The following HDAC4 variants were observed in gnomAD, a reference collection of about 807,000 sequenced individuals.
HDAC4 encodes the protein histone deacetylase A.
HDAC4 carries 16 observed loss-of-function variants against 135.1 expected under a neutral mutation model. That is an observed-to-expected ratio of 0.12 (90% confidence interval 0.08 to 0.18). The LOEUF is 0.18. HDAC4 is among the 10% of genes least tolerant of loss of function. The pLI is 1.00. For missense variants in HDAC4, 1,143 were observed against 1,511.8 expected (o/e 0.76, Z 4.05); for synonymous variants, 685 against 653.4 (o/e 1.05, Z -0.74).
intron 2 of HDAC4, among the ~76,000 whole-genome samples, chr2:239,266,091 C>T (rs1249530501): frequency 6.6e-6 from 1 of 152,206 alleles, no homozygotes; most frequent in Admixed American, 6.5e-5. Context: ...AGAGGGGCTG[C>T]CAGCCAGTGA....
chr2:239,164,011 A>C, intron 5 of HDAC4, 88 bp from the exon 6 acceptor site: 2 of 1,513,482 alleles, frequency 1.3e-6, no homozygotes, highest in Non-Finnish European at 1.8e-6. Flanking sequence ...GAGGGAGGGA[A>C]GGGCTGGGGA....
intron 3 of HDAC4, among the ~76,000 whole-genome samples, chr2:239,201,819 A>G (rs2045772088): frequency 6.6e-6 from 1 of 152,154 alleles, no homozygotes; most frequent in Non-Finnish European, 1.5e-5. Context: ...ATTTTACTCC[A>G]CTGTCTTTTT....
intron 3 of HDAC4, among the ~76,000 whole-genome samples, chr2:239,228,916 C>T (rs1046520259): frequency 6.6e-6 from 1 of 152,034 alleles, no homozygotes; most frequent in Non-Finnish European, 1.5e-5. Flanking sequence ...CTGAGGTAGG[C>T]AGATCACTTG....
rs10543545 is a variant in HDAC4 at position 239,109,609 on chromosome 2, T to TAA, written c.1979-1428_1979-1427dup. On this transcript the variant is annotated intron_variant, in intron 14 of 26. Transcript: ENST00000543185. ...CAGTGCTGTGGGATGGGACTTCTGG[T>TAA]AAAAAAAAAAAAAAAGCATCAGGGT... Among the ~76,000 whole-genome samples, 1,253 of 145,436 alleles carry TAA rather than the reference T, an allele frequency of 8.6e-3. 16 individuals carry two copies. The highest frequency in any genetic ancestry group is 0.028 in the African/African-American group (1,082 of 38,330).
At chr2:239,222,818 C>T (rs760957968) in intron 3 of HDAC4, among the ~76,000 whole-genome samples, 12 of 152,144 alleles carry the variant, frequency 7.9e-5, no homozygotes, top group Non-Finnish European at 1.6e-4. Context: ...CCTCACAGCC[C>T]CCTGAAGCAG....
At chr2:239,220,222 G>A (rs928972440) in intron 3 of HDAC4, among the ~76,000 whole-genome samples, 1 of 152,150 alleles carries the variant, frequency 6.6e-6, no homozygotes. Flanking sequence ...TCTCTTAAAC[G>A]CTTCAAATTC....
chr2:239,203,257 C>T (rs1332370456), intron 3 of HDAC4, among the ~76,000 whole-genome samples: 1 of 152,228 alleles, frequency 6.6e-6, no homozygotes, highest in Non-Finnish European at 1.5e-5. Flanking sequence ...CCAGCACAGA[C>T]AAGGTGGACA....
chr2:239,325,037 C>T (rs1264546011), intron 2 of HDAC4, among the ~76,000 whole-genome samples: 1 of 152,214 alleles, frequency 6.6e-6, no homozygotes, highest in African/African-American at 2.4e-5. Context: ...CAAATTGCCA[C>T]AGGCAAAGGA....
At chr2:239,213,278 G>A (rs201237387) in intron 3 of HDAC4, among the ~76,000 whole-genome samples, 71 of 152,324 alleles carry the variant, frequency 4.7e-4, no homozygotes, top group East Asian at 1.2e-3. Flanking sequence ...GGGTAGCCAG[G>A]AGGAATGCTG....
intron 2 of HDAC4, among the ~76,000 whole-genome samples, chr2:239,254,692 C>G (rs2048962875): frequency 6.6e-6 from 1 of 151,808 alleles, no homozygotes; most frequent in South Asian, 2.1e-4. Flanking sequence ...AGTATGAGTT[C>G]CTAAAGAATG....
chr2:239,323,750 A>G (rs2053386951), intron 2 of HDAC4, among the ~76,000 whole-genome samples: 1 of 151,950 alleles, frequency 6.6e-6, no homozygotes, highest in African/African-American at 2.4e-5. Context: ...GAGCTCAAAA[A>G]GCATCCCCTG....
At chr2:239,217,710 A>G (rs2046718144) in intron 3 of HDAC4, among the ~76,000 whole-genome samples, 3 of 152,206 alleles carry the variant, frequency 2.0e-5, no homozygotes. Flanking sequence ...CAGAAGGAAA[A>G]GAAACCACAC....
chr2:239,345,386 A>G (rs1692544111), intron 2 of HDAC4, among the ~76,000 whole-genome samples: 1 of 152,050 alleles, frequency 6.6e-6, no homozygotes, highest in Non-Finnish European at 1.5e-5. Context: ...CGGTCTCCAC[A>G]AAAAATTTTA....
chr2:239,204,650 C>CT (rs2045940411), intron 3 of HDAC4, among the ~76,000 whole-genome samples: 1 of 152,190 alleles, frequency 6.6e-6, no homozygotes, highest in Admixed American at 6.5e-5. Flanking sequence ...TCAGGAAGGG[C>CT]TTAGGGATGG....
At chr2:239,322,296 A>G (rs2053342072) in intron 2 of HDAC4, among the ~76,000 whole-genome samples, 1 of 152,258 alleles carries the variant, frequency 6.6e-6, no homozygotes, top group Non-Finnish European at 1.5e-5. Flanking sequence ...AGGGGAGTAA[A>G]GCCTTACACT....
At chr2:239,091,192 G>A (rs2036472452) in intron 17 of HDAC4, 1 of 152,290 alleles carries the variant, frequency 6.6e-6, no homozygotes, top group Non-Finnish European at 1.5e-5. Flanking sequence ...CAGGAGGAAA[G>A]TCGACAGACA....
intron 2 of HDAC4, among the ~76,000 whole-genome samples, chr2:239,283,718 C>G (rs1389285521): frequency 6.6e-6 from 1 of 152,240 alleles, no homozygotes; most frequent in Non-Finnish European, 1.5e-5. Flanking sequence ...CGAGCGGTAA[C>G]AGCAGTGCCG....
rs2031048557 is a variant in HDAC4 at position 239,052,707 on chromosome 2, T to C, written c.*390A>G. The C allele has an allele frequency of 3.7e-6, 1 of 271,058 alleles. No homozygotes were observed. The highest frequency in any genetic ancestry group is 7.2e-6 in the Non-Finnish European group (1 of 138,778). 16.8% of individuals were successfully genotyped at this position (271,058 alleles called of 1,614,324 possible). On this transcript the variant is annotated 3_prime_UTR_variant, in exon 27 of 27. Coordinates refer to ENST00000543185, the MANE Select transcript of HDAC4 (RefSeq NM_001378414.1). ...GCACCAGTTTTAATCAAGTTTGTTTTGTATTATTAGATCTTTGATATTTGT... is the reference window on the plus strand; with the variant it reads ...GCACCAGTTTTAATCAAGTTTGTTTCGTATTATTAGATCTTTGATATTTGT...
chr2:239,203,099 C>A (rs114624048), intron 3 of HDAC4, among the ~76,000 whole-genome samples: 5,360 of 152,248 alleles, frequency 0.035, 142 homozygotes, highest in Non-Finnish European at 0.052. Flanking sequence ...CATAGGGTGG[C>A]AGGCAGAAGC....
Sources: allele counts gnomAD v4.1 joint callset (sites outside exome capture counted in the v4.1 genomes callset), GRCh38; gene constraint gnomAD v4.1.1; transcripts MANE v1.5; gene names NCBI Gene and HGNC (gene_info 2026-07-23, HGNC 2026-07-21).